KCNN2: variants seen among roughly 807,000 people sequenced by gnomAD.
The protein encoded by KCNN2 is small conductance calcium-activated potassium channel protein 2.
Under a neutral mutation model 55.5 loss-of-function variants are expected in KCNN2, and 24 were observed. The ratio of observed to expected loss-of-function variants is 0.43; its 90% CI spans 0.31 to 0.61. KCNN2 has a LOEUF of 0.61. Among genes scored for constraint, KCNN2 ranks in the 20% least tolerant of loss-of-function variants. KCNN2 has a pLI of 0.08. For missense variants in KCNN2, 754 were observed against 853.6 expected (o/e 0.88, Z 1.45); for synonymous variants, 431 against 336.1 (o/e 1.28, Z -3.09).
At chr5:114,257,661 G>A (rs1206923747) in intron 2 of KCNN2, among the ~76,000 whole-genome samples, 2 of 151,916 alleles carry the variant, frequency 1.3e-5, no homozygotes, top group East Asian at 3.9e-4. Flanking sequence ...GATTGTTATA[G>A]GTATACAGAA....
upstream of KCNN2, among the ~76,000 whole-genome samples, chr5:114,361,504 G>A (rs1201334423): frequency 6.6e-6 from 1 of 152,214 alleles, no homozygotes; most frequent in Admixed American, 6.5e-5. Flanking sequence ...TGCCCCCGCA[G>A]TTACTTGGCG....
intron 2 of KCNN2, among the ~76,000 whole-genome samples, chr5:114,402,801 A>G (rs2150070161): frequency 1.3e-5 from 2 of 152,348 alleles, no homozygotes; most frequent in East Asian, 1.9e-4. Context: ...AGCAGCCTGG[A>G]TATCAGGTTC....
At chr5:114,430,113 C>T (rs1302137726) in intron 3 of KCNN2, among the ~76,000 whole-genome samples, 2 of 151,960 alleles carry the variant, frequency 1.3e-5, no homozygotes, top group Non-Finnish European at 1.5e-5. Flanking sequence ...ATTCTGGCTC[C>T]TTTGTTTCTC....
intron 1 of KCNN2, among the ~76,000 whole-genome samples, chr5:114,164,469 T>A (rs1231502103): frequency 1.3e-5 from 2 of 152,178 alleles, no homozygotes; most frequent in Non-Finnish European, 2.9e-5. Flanking sequence ...GTAATTTCAA[T>A]AATCAAGAAT....
At chr5:114,265,354 T>C (rs866363402) in intron 2 of KCNN2, among the ~76,000 whole-genome samples, 3 of 95,220 alleles carry the variant, frequency 3.2e-5, no homozygotes, top group Non-Finnish European at 4.8e-5. Context: ...TGTGTGTGTG[T>C]GTGTGTGTGT....
chr5:114,130,201 T>A (rs1488758470), intron 1 of KCNN2, among the ~76,000 whole-genome samples: 3 of 152,246 alleles, frequency 2.0e-5, no homozygotes, highest in Non-Finnish European at 4.4e-5. Context: ...TATTTATTTT[T>A]TTCTTTTACA....
chr5:114,154,492 A>G lies in KCNN2; in HGVS notation c.-270-66988A>G, dbSNP rs1050479523. Among the ~76,000 whole-genome samples, 110 of 151,830 alleles carry G rather than the reference A, an allele frequency of 7.2e-4. 1 individual carries two copies. Among genetic ancestry groups the G allele is most frequent in the African/African-American group, 2.6e-3 (108 of 41,160 alleles). On this transcript the variant is annotated intron_variant, in intron 1 of 10. Coordinates refer to the KCNN2 transcript ENST00000512097. ...GGATTGATTTTATTACCTACTCTAC[A>G]GGCTCAGAAATTTGATTTTGGTAGC...
intron 1 of KCNN2, among the ~76,000 whole-genome samples, chr5:114,133,093 A>T (rs1200418290): frequency 6.6e-6 from 1 of 152,168 alleles, no homozygotes; most frequent in Non-Finnish European, 1.5e-5. Flanking sequence ...GGTTTTACTG[A>T]GCCTAAATTT....
chr5:114,468,569 G>T (rs903139701), intron 4 of KCNN2, among the ~76,000 whole-genome samples: 2 of 152,052 alleles, frequency 1.3e-5, no homozygotes, highest in Admixed American at 1.3e-4. Context: ...TAAACTGGCT[G>T]TCAAACTGAA....
chr5:114,344,536 A>C (rs1281969232), intron 2 of KCNN2, among the ~76,000 whole-genome samples: 1 of 152,192 alleles, frequency 6.6e-6, no homozygotes, highest in Non-Finnish European at 1.5e-5. Flanking sequence ...TTACATAGAC[A>C]TGATTGATGG....
intron 2 of KCNN2, among the ~76,000 whole-genome samples, chr5:114,393,010 C>T (rs546308838): frequency 5.9e-4 from 90 of 152,158 alleles, no homozygotes; most frequent in Non-Finnish European, 9.7e-4. Context: ...GCACCATATA[C>T]TGTTCCATGA....
chr5:114,178,257 A>T lies in KCNN2; in HGVS notation c.-270-43223A>T, dbSNP rs72797667. ...CTTTTCCCATAACTTAAAAAATATA[A>T]TAAATAAATGGAAGGTGGCCAAATG... On this transcript the variant is annotated intron_variant, in intron 1 of 10. Transcript: ENST00000512097. Among the ~76,000 whole-genome samples the T allele has an allele frequency of 5.2e-3, 799 of 152,336 alleles. 8 individuals carry two copies. The highest frequency in any genetic ancestry group is 0.015 in the Admixed American group (230 of 15,306).
rs556643139 is a variant in KCNN2 at position 114,182,321 on chromosome 5, T to A, written c.-270-39159T>A. On this transcript the variant is annotated intron_variant, in intron 1 of 10. Coordinates refer to the KCNN2 transcript ENST00000512097. ...TATAGTAAGCCTGAAAATTAGGTAG[T>A]GTAAGTCCTTGAACCTTATCTTTTA... is the stretch of plus-strand genomic sequence containing the variant. 2.0e-5 allele frequency among the ~76,000 whole-genome samples: 3 copies of A among 152,214 alleles called. No homozygotes were observed. In the East Asian group the frequency reaches 5.8e-4, roughly 29 times the overall value.
intron 6 of KCNN2, among the ~76,000 whole-genome samples, chr5:114,489,447 C>T (rs1747741918): frequency 6.6e-6 from 1 of 152,052 alleles, no homozygotes; most frequent in South Asian, 2.1e-4. Context: ...GATAGAGTGA[C>T]AGAGGAAGCT....
At position 114,441,648 on chromosome 5, in the gene KCNN2, AT is replaced by A. The variant is rs933231462; in HGVS notation, c.1638-21392del. ...CTTTCAAACTGTATATAAATGTATA[AT>A]TTTTTTTTCAAAACAGGGACATGTT... On this transcript the variant is annotated intron_variant, in intron 3 of 7. Transcript: ENST00000673685. Among the ~76,000 whole-genome samples, 12 of 151,590 alleles carry A rather than the reference AT, an allele frequency of 7.9e-5. No individual in the cohort carries two copies. In the East Asian group the frequency reaches 9.7e-4, roughly 12 times the overall value.
At chr5:114,457,359 A>C (rs1308111090) in intron 3 of KCNN2, among the ~76,000 whole-genome samples, 1 of 152,236 alleles carries the variant, frequency 6.6e-6, no homozygotes, top group East Asian at 1.9e-4. Flanking sequence ...ATCATGCTAT[A>C]GCACACTTAA....
At chr5:114,079,444 A>G (rs1359987381) in intron 1 of KCNN2, among the ~76,000 whole-genome samples, 2 of 152,208 alleles carry the variant, frequency 1.3e-5, no homozygotes, top group Non-Finnish European at 2.9e-5. Context: ...AGCAGAGTAG[A>G]AATAGCATGA....
intron 2 of KCNN2, among the ~76,000 whole-genome samples, chr5:114,340,742 C>G (rs1193277944): frequency 6.6e-6 from 1 of 151,972 alleles, no homozygotes; most frequent in Admixed American, 6.6e-5. Flanking sequence ...GTACACTATA[C>G]AGTATTAATC....
intron 1 of KCNN2, among the ~76,000 whole-genome samples, chr5:114,158,917 G>A (rs1752700958): frequency 6.6e-6 from 1 of 152,136 alleles, no homozygotes; most frequent in Non-Finnish European, 1.5e-5. Flanking sequence ...AGATGATGGG[G>A]TTTTCTAGAT....
Sources: allele counts gnomAD v4.1 joint callset (sites outside exome capture counted in the v4.1 genomes callset), GRCh38; gene constraint gnomAD v4.1.1; transcripts MANE v1.5; gene names NCBI Gene and HGNC (gene_info 2026-07-23, HGNC 2026-07-21).